Variants in GALNT18 observed in about 807,000 individuals in gnomAD.
The protein encoded by GALNT18 is polypeptide N-acetylgalactosaminyltransferase 18.
Under a neutral mutation model 69.5 loss-of-function variants are expected in GALNT18, and 44 were observed. The observed-to-expected ratio is 0.63, with a 90% confidence interval of 0.50 to 0.81. The LOEUF (loss-of-function observed/expected upper bound fraction) is 0.81, where lower values mean the gene tolerates loss of function less well. Ranked by LOEUF, GALNT18 falls within the 40% of genes least tolerant of loss-of-function variation. The pLI, the probability that GALNT18 is intolerant of heterozygous loss-of-function variation, is 0.00. For synonymous variants in GALNT18, 364 were observed against 318.2 expected (o/e 1.14, Z -1.53); for missense variants, 715 against 810.0 (o/e 0.88, Z 1.42).
At position 11,621,207 on chromosome 11, in the gene GALNT18, G is replaced by T; in HGVS notation, c.235+152C>A. On this transcript the variant is annotated intron_variant, in intron 1 of 10. Transcript: ENST00000227756. This position sits in a 1 kb window ranked among gnomAD's most constrained non-coding sequence, Gnocchi z 9.3. Reference sequence around the variant, plus strand: ...AGACAGAAGGTCCCGAACGCAGGCAGGAGCTCACACGCAGGCCCCACGACT... The same window carrying T: ...AGACAGAAGGTCCCGAACGCAGGCATGAGCTCACACGCAGGCCCCACGACT... 3.1e-6 allele frequency: 2 copies of T among 642,644 alleles called. No homozygotes were observed. Among genetic ancestry groups the T allele is most frequent in the East Asian group, 2.7e-5 (1 of 37,038 alleles). 39.8% of individuals were successfully genotyped at this position (642,644 alleles called of 1,614,324 possible).
At chr11:11,521,485 A>T (rs930154471) in intron 1 of GALNT18, among the ~76,000 whole-genome samples, 16 of 152,010 alleles carry the variant, frequency 1.1e-4, no homozygotes, top group African/African-American at 3.6e-4. Flanking sequence ...AGTTCTCGGG[A>T]CGCTGCAGGC....
rs959850682 is a variant in GALNT18 at position 11,613,623 on chromosome 11, G to A, written c.235+7736C>T. ...TGGGCTCAAGCATTGCATTACAGAT[G>A]GAGCTGACTCTAACCCCAAAGGCAA... On this transcript the variant is annotated intron_variant, in intron 1 of 10. Coordinates refer to ENST00000227756, the MANE Select transcript of GALNT18 (RefSeq NM_198516.3). This position sits in a 1 kb window ranked among gnomAD's most constrained non-coding sequence, Gnocchi z 4.2. 1.3e-5 allele frequency among the ~76,000 whole-genome samples: 2 copies of A among 152,184 alleles called. No individual in the cohort carries two copies. The highest frequency in any genetic ancestry group is 1.5e-5 in the Non-Finnish European group (1 of 68,038).
chr11:11,441,471 G>A (rs986846790), intron 2 of GALNT18, among the ~76,000 whole-genome samples: 7 of 152,154 alleles, frequency 4.6e-5, no homozygotes, highest in African/African-American at 1.7e-4. Flanking sequence ...AGGGCAAGCT[G>A]ATAAAATAGT....
chr11:11,319,875 A>G (rs1027053507), intron 9 of GALNT18, among the ~76,000 whole-genome samples: 2 of 152,208 alleles, frequency 1.3e-5, no homozygotes, highest in Non-Finnish European at 2.9e-5. Context: ...GTCTTTACCA[A>G]TCTGGTAATA....
intron 3 of GALNT18, among the ~76,000 whole-genome samples, chr11:11,386,610 T>C (rs952490276): frequency 5.9e-5 from 9 of 152,200 alleles, no homozygotes; most frequent in Admixed American, 5.2e-4. Flanking sequence ...TCTGCATTAA[T>C]TGGATAAAAG....
rs138163198 is a variant in GALNT18 at position 11,370,427 on chromosome 11, C to T, written c.1092+2088G>A. Among the ~76,000 whole-genome samples, 27 of 152,240 alleles carry T rather than the reference C, an allele frequency of 1.8e-4. No individual in the cohort carries two copies. The East Asian group carries it at 2.9e-3, about 16-fold the overall frequency. The stretch of plus-strand genomic sequence containing the variant: ...CTGTTTTGCTGACGATCAGTGGTTC[C>T]GTAACCCTTAAAGGGGGAACTGAAA... On this transcript the variant is annotated intron_variant, in intron 6 of 10. Transcript: ENST00000227756.
intron 1 of GALNT18, among the ~76,000 whole-genome samples, chr11:11,593,456 T>G (rs1029123921): frequency 2.0e-5 from 3 of 152,220 alleles, no homozygotes; most frequent in African/African-American, 7.2e-5. Context: ...AAGCTTGGCC[T>G]TCCTTCTCTG....
rs1377026823 is a variant in GALNT18 at position 11,495,590 on chromosome 11, C to T, written c.236-46654G>A. On this transcript the variant is annotated intron_variant, in intron 1 of 10. Coordinates refer to ENST00000227756, the MANE Select transcript of GALNT18 (RefSeq NM_198516.3). ...ATGAAGTAGTTATGACAGAAAGTCACGTGTGGCAGCCTCCATTCAAGCAGA... is the reference window on the plus strand; with the variant it reads ...ATGAAGTAGTTATGACAGAAAGTCATGTGTGGCAGCCTCCATTCAAGCAGA... Among the ~76,000 whole-genome samples the T allele has an allele frequency of 5.3e-5, 8 of 152,180 alleles. No individual in the cohort carries two copies. The South Asian group carries it at 6.2e-4, about 12-fold the overall frequency.
rs1856827998 is a variant in GALNT18 at position 11,494,269 on chromosome 11, G to T, written c.236-45333C>A. 6.6e-6 allele frequency among the ~76,000 whole-genome samples: 1 copy of T among 152,298 alleles called. No individual in the cohort carries two copies. ...AGAAAACAAGCACTGCCAAGCAGCAGCATAAACAAGCCAGACACTAGAGCC... is the reference window on the plus strand; with the variant it reads ...AGAAAACAAGCACTGCCAAGCAGCATCATAAACAAGCCAGACACTAGAGCC... On this transcript the variant is annotated intron_variant, in intron 1 of 10. Transcript: ENST00000227756. This position sits in a 1 kb window ranked among gnomAD's most constrained non-coding sequence, Gnocchi z 5.7.
At chr11:11,327,685 G>C (rs1025715522) in intron 8 of GALNT18, among the ~76,000 whole-genome samples, 1 of 152,230 alleles carries the variant, frequency 6.6e-6, no homozygotes. Flanking sequence ...TGGGAGGTCG[G>C]ATGGGAGAAT....
intron 3 of GALNT18, among the ~76,000 whole-genome samples, chr11:11,411,497 T>C (rs973850034): frequency 6.6e-6 from 1 of 152,190 alleles, no homozygotes; most frequent in Non-Finnish European, 1.5e-5. Flanking sequence ...TGCATCCTGA[T>C]TGAGATGCTG....
Position 11,377,334 on chromosome 11 carries a change from G to A in GALNT18, c.825C>T (p.Ile275=), listed in dbSNP as rs370735069. The A allele has an allele frequency of 3.1e-6, 5 of 1,613,876 alleles. No individual in the cohort carries two copies. The highest frequency in any genetic ancestry group is 1.1e-5 in the South Asian group (1 of 91,078). ...TGATGTTATCAAAGGATGGCGAGAT[G>A]ATCCGCTTCCGGTTCTCCTTGATGC... ...LTRIKENRKR[I]ISPSFDNIKY... Residue 275 remains isoleucine, a synonymous_variant, in exon 5 of 11, where the codon ATC becomes ATT. Coordinates refer to ENST00000227756, the MANE Select transcript of GALNT18 (RefSeq NM_198516.3). The surrounding 1 kb of genome is among the most constrained non-coding windows in gnomAD (Gnocchi z 4.6).
chr11:11,353,893 C>T (rs1025922040), intron 6 of GALNT18, among the ~76,000 whole-genome samples: 2 of 152,110 alleles, frequency 1.3e-5, no homozygotes, highest in African/African-American at 4.8e-5. Flanking sequence ...GGCAATGTGG[C>T]CAAGCCTGGG....
intron 1 of GALNT18, among the ~76,000 whole-genome samples, chr11:11,488,410 T>A (rs982293974): frequency 2.0e-5 from 3 of 152,070 alleles, no homozygotes. Context: ...CCAGCCTGCC[T>A]CTTTTGCTTG....
intron 3 of GALNT18, among the ~76,000 whole-genome samples, chr11:11,417,698 T>C (rs1315830777): frequency 6.6e-6 from 1 of 152,174 alleles, no homozygotes; most frequent in Non-Finnish European, 1.5e-5. Flanking sequence ...ACATCCCATA[T>C]TCACACTGTC....
chr11:11,331,483 C>T (rs1850016115), intron 8 of GALNT18, among the ~76,000 whole-genome samples: 1 of 152,174 alleles, frequency 6.6e-6, no homozygotes, highest in African/African-American at 2.4e-5. Flanking sequence ...GCAGATTCTT[C>T]CCGCTTATAG....
chr11:11,420,193 A>G (rs1475463394), intron 3 of GALNT18, among the ~76,000 whole-genome samples: 1 of 151,712 alleles, frequency 6.6e-6, no homozygotes, highest in African/African-American at 2.4e-5. Context: ...CACGGGAGAG[A>G]GCAGATTTCT....
At position 11,391,925 on chromosome 11, in the gene GALNT18, G is replaced by T. The variant is rs142840453; in HGVS notation, c.596-12661C>A. Among the ~76,000 whole-genome samples the T allele has an allele frequency of 3.0e-3, 459 of 152,362 alleles. 1 individual carries two copies. The highest frequency in any genetic ancestry group is 0.011 in the African/African-American group (437 of 41,588). On this transcript the variant is annotated intron_variant, in intron 3 of 10. Transcript: ENST00000227756. ...CTGACAGATCTGCTACGCCGAGCCT[G>T]GCATGTGGCAGAGGTGCCACAGGCG...
chr11:11,371,122 G>A (rs1343155739), intron 6 of GALNT18, among the ~76,000 whole-genome samples: 1 of 152,196 alleles, frequency 6.6e-6, no homozygotes, highest in African/African-American at 2.4e-5. Flanking sequence ...GTCTGGAAGT[G>A]TTTTCTAAGC....
Sources: allele counts gnomAD v4.1 joint callset (sites outside exome capture counted in the v4.1 genomes callset), GRCh38; gene constraint gnomAD v4.1.1; non-coding constraint Gnocchi (gnomAD v3.1); transcripts MANE v1.5; gene names NCBI Gene and HGNC (gene_info 2026-07-23, HGNC 2026-07-21).